IL19: variants seen among roughly 807,000 people sequenced by gnomAD.
IL19 encodes interleukin-19.
Under a neutral mutation model 19.5 loss-of-function variants are expected in IL19, and 15 were observed. The ratio of observed to expected loss-of-function variants is 0.77; its 90% confidence interval spans 0.52 to 1.19. The LOEUF (loss-of-function observed/expected upper bound fraction) is 1.19. Ranked by LOEUF, IL19 falls within the 50% of genes most tolerant of loss-of-function variation. The pLI is 0.00. For synonymous variants in IL19, 78 were observed against 78.3 expected, an observed-to-expected ratio of 1.00 and a Z score of 0.02; for missense variants, 199 against 213.1, an observed-to-expected ratio of 0.93 and a Z score of 0.41.
chr1:206,820,265 G>A (rs963419912), intron 2 of IL19, among the ~76,000 whole-genome samples: 4 of 152,120 alleles, frequency 2.6e-5, no homozygotes, highest in South Asian at 2.1e-4. Context: ...GCCTGTGGTC[G>A]GCTATCAGAA....
chr1:206,823,390 A>G (rs531915098), intron 2 of IL19, among the ~76,000 whole-genome samples: 7 of 151,984 alleles, frequency 4.6e-5, no homozygotes, highest in African/African-American at 1.7e-4. Context: ...CTTCTCTACT[A>G]AAAATACAAA....
chr1:206,829,080 C>T (rs1197825955), intron 2 of IL19: 2 of 149,896 alleles, frequency 1.3e-5, no homozygotes, highest in African/African-American at 2.5e-5. Flanking sequence ...AACTCTTGGC[C>T]TCAAGGGATC....
chr1:206,772,205 T>A, intron 1 of IL19: 1 of 1,435,324 alleles, frequency 7.0e-7, no homozygotes. Flanking sequence ...TTCTTATAGT[T>A]CCAGGAGAAT....
intron 2 of IL19, among the ~76,000 whole-genome samples, chr1:206,802,016 C>T (rs185153873): frequency 6.2e-4 from 94 of 152,276 alleles, no homozygotes; most frequent in Non-Finnish European, 3.5e-4. Context: ...CATGGACAAA[C>T]ATGGGAGCTT....
chr1:206,829,768 C>T lies in IL19; in HGVS notation c.-2-6893C>T, dbSNP rs144366476. On this transcript the variant is annotated intron_variant, in intron 2 of 6. Coordinates refer to ENST00000659997, the MANE Select transcript of IL19 (RefSeq NM_153758.5). ...TTCCATTACTATCCCTCCATCCCAT[C>T]ACCACTGGGGCTCTTTCATAACATT... is the stretch of plus-strand genomic sequence containing the variant. 8.8e-3 allele frequency among the ~76,000 whole-genome samples: 1,343 copies of T among 152,298 alleles called. 12 individuals are homozygous for T. The highest frequency in any genetic ancestry group is 0.027 in the Middle Eastern group (8 of 294).
chr1:206,776,931 A>G (rs1675016799), intron 1 of IL19, among the ~76,000 whole-genome samples: 1 of 150,640 alleles, frequency 6.6e-6, no homozygotes. Flanking sequence ...AAAAAAAAAA[A>G]AAAAGAATCT....
intron 2 of IL19, among the ~76,000 whole-genome samples, chr1:206,803,501 A>C (rs151230403): frequency 1.3e-5 from 2 of 152,240 alleles, no homozygotes; most frequent in Non-Finnish European, 2.9e-5. Context: ...TCCTGTCAGC[A>C]TCTTGGCCAG....
At chr1:206,786,567 A>C (rs543466450) in intron 1 of IL19, among the ~76,000 whole-genome samples, 19 of 152,218 alleles carry the variant, frequency 1.2e-4, no homozygotes, top group Admixed American at 1.0e-3. Flanking sequence ...GTAAAATCAG[A>C]GGGCTTTAGA....
intron 2 of IL19, chr1:206,833,701 C>T (rs1235342473): frequency 1.0e-6 from 1 of 985,446 alleles, no homozygotes; most frequent in African/African-American, 1.7e-5. Flanking sequence ...TCTTAAACCT[C>T]TCTTCTTTCC....
intron 2 of IL19, among the ~76,000 whole-genome samples, chr1:206,802,549 T>A (rs1175424339): frequency 6.6e-6 from 1 of 152,222 alleles, no homozygotes; most frequent in Non-Finnish European, 1.5e-5. Flanking sequence ...GAGTCATGAC[T>A]TAAATTCAGG....
chr1:206,841,453 C>T (rs1295596755), intron 6 of IL19, among the ~76,000 whole-genome samples: 1 of 151,116 alleles, frequency 6.6e-6, no homozygotes, highest in Non-Finnish European at 1.5e-5. Context: ...CACTACCTGC[C>T]CCCCCATATT....
At chr1:206,781,792 T>C (rs1255957056) in intron 1 of IL19, among the ~76,000 whole-genome samples, 1 of 150,488 alleles carries the variant, frequency 6.6e-6, no homozygotes, top group Non-Finnish European at 1.5e-5. Flanking sequence ...CAGGACTCTT[T>C]TACATCTTCA....
At chr1:206,790,008 C>CT (rs1217659858) in intron 1 of IL19, among the ~76,000 whole-genome samples, 3 of 152,100 alleles carry the variant, frequency 2.0e-5, no homozygotes, top group African/African-American at 7.2e-5. Flanking sequence ...AGTTAGTTGT[C>CT]TTTTTGATAT....
chr1:206,803,439 G>A (rs938497747), intron 2 of IL19, among the ~76,000 whole-genome samples: 5 of 152,268 alleles, frequency 3.3e-5, no homozygotes, highest in East Asian at 3.9e-4. Flanking sequence ...ACATGTGTGC[G>A]TCATCTGAGT....
Position 206,840,936 on chromosome 1 carries a change from G to A in IL19, c.364-68G>A. On this transcript the variant is annotated intron_variant, in intron 5 of 6. Coordinates refer to ENST00000659997, the MANE Select transcript of IL19 (RefSeq NM_153758.5). Reference sequence around the variant, plus strand: ...GGAGAAATGTCACTTCTCATGTGGGGAGGCAGGAGTAAGAGAGGGCCAGAG... The same window carrying A: ...GGAGAAATGTCACTTCTCATGTGGGAAGGCAGGAGTAAGAGAGGGCCAGAG... 4 of 1,257,396 alleles carry A rather than the reference G, an allele frequency of 3.2e-6. No individual in the cohort carries two copies. In the South Asian group the frequency reaches 4.8e-5, roughly 15 times the overall value. The allele number at this position is 1,257,396 out of a possible 1,614,324, so 77.9% of individuals were successfully genotyped here.
At position 206,836,675 on chromosome 1, in the gene IL19, T is replaced by G; in HGVS notation, c.13T>G (p.Cys5Gly). The change falls in exon 3 of 7, where the codon TGT (cysteine) becomes GGT (glycine). Residue 5 changes from cysteine to glycine, a missense_variant. Transcript: ENST00000659997. Reference protein sequence around the residue: MKLQCVSLWLLGTIL... With the variant: MKLQGVSLWLLGTIL... ...CCTTTCTGCAGGCATGAAGTTACAGTGTGTTTCCCTTTGGCTCCTGGGTAC... is the reference window on the plus strand; with the variant it reads ...CCTTTCTGCAGGCATGAAGTTACAGGGTGTTTCCCTTTGGCTCCTGGGTAC... The G allele has an allele frequency of 6.2e-7, 1 of 1,609,532 alleles. No individual in the cohort carries two copies. Among genetic ancestry groups the G allele is most frequent in the Non-Finnish European group, 8.5e-7 (1 of 1,178,148 alleles).
chr1:206,808,930 G>A (rs1333738017), intron 2 of IL19, among the ~76,000 whole-genome samples: 1 of 152,182 alleles, frequency 6.6e-6, no homozygotes, highest in East Asian at 1.9e-4. Flanking sequence ...CATGAGTGAA[G>A]AGGGTGCATG....
chr1:206,779,208 G>C (rs1236260005), intron 1 of IL19, among the ~76,000 whole-genome samples: 1 of 152,186 alleles, frequency 6.6e-6, no homozygotes, highest in Non-Finnish European at 1.5e-5. Context: ...TTGAGCAGCA[G>C]AGCATATTCT....
At chr1:206,772,179 A>T in intron 1 of IL19, 2 of 1,081,286 alleles carry the variant, frequency 1.8e-6, no homozygotes, top group Non-Finnish European at 1.4e-6. Context: ...ATGGAGGTGG[A>T]GGCGCAGGAG....
Sources: gnomAD v4.1 joint callset for allele counts (sites outside exome capture counted in the v4.1 genomes callset) on GRCh38, gnomAD v4.1.1 for gene constraint, MANE v1.5 for transcripts, NCBI Gene and HGNC (gene_info 2026-07-23, HGNC 2026-07-21) for gene names.